Variants in ACOX2 observed in about 807,000 individuals in gnomAD.
ACOX2 encodes the protein acyl-CoA oxidase 2.
ACOX2 carries 59 observed loss-of-function variants against 77.5 expected under a neutral mutation model. The observed-to-expected ratio is 0.76, with a 90% CI of 0.62 to 0.95. ACOX2 has a LOEUF of 0.95. Among genes scored for constraint, ACOX2 ranks in the 40% least tolerant of loss-of-function variants. The pLI is 0.00. For synonymous variants in ACOX2, 317 were observed against 340.1 expected, an observed-to-expected ratio of 0.93 and a Z score of 0.75; for missense variants, 837 against 880.4, an observed-to-expected ratio of 0.95 and a Z score of 0.62.
rs1293483649 is a variant in ACOX2 at position 58,535,178 on chromosome 3, C to T, written c.-72G>A. 1 of 1,590,814 alleles carries T rather than the reference C, an allele frequency of 6.3e-7. No individual in the cohort carries two copies. The highest frequency in any genetic ancestry group is 8.6e-7 in the Non-Finnish European group (1 of 1,161,302). On this transcript the variant is annotated 5_prime_UTR_variant, in exon 2 of 15. It removes an upstream start codon present in the reference 5' UTR. Transcript: ENST00000302819. This position sits in a 1 kb window ranked among gnomAD's most constrained non-coding sequence, Gnocchi z 4.8. ...GGCTGCTCCGAGGGTCTGCTCTCAG[C>T]ATTGGTCAGTGCAAAGAACCTGTGT... is the stretch of plus-strand genomic sequence containing the variant.
rs1325119695 is a variant in ACOX2, at chr3:58,528,510, G to A, written c.1155+284C>T. Among the ~76,000 whole-genome samples, 1 of 152,178 alleles carries A rather than the reference G, an allele frequency of 6.6e-6. No homozygotes were observed. The highest frequency in any genetic ancestry group is 1.5e-5 in the Non-Finnish European group (1 of 68,038). On this transcript the variant is annotated intron_variant, in intron 9 of 14. Coordinates refer to ENST00000302819, the MANE Select transcript of ACOX2 (RefSeq NM_003500.4). The surrounding 1 kb of genome is among the most constrained non-coding windows in gnomAD (Gnocchi z 5.6). Reference sequence around the variant, plus strand: ...AATGAGTTCCAAACAACTGTTTTTCGGAGCTTTTCAGGTTTCAAATACACA... The same window carrying A: ...AATGAGTTCCAAACAACTGTTTTTCAGAGCTTTTCAGGTTTCAAATACACA...
chr3:58,508,897 G>A lies in ACOX2; in HGVS notation c.1979C>T (p.Thr660Ile). The A allele has an allele frequency of 1.2e-6, 2 of 1,614,160 alleles. No individual in the cohort carries two copies. The highest frequency in any genetic ancestry group is 1.7e-6 in the Non-Finnish European group (2 of 1,180,024). The change falls in exon 14 of 15, where the codon ACT becomes ATT. Residue 660 changes from threonine (T) to isoleucine (I), a missense_variant. Physicochemically the swap from Thr to Ile is moderately conservative, Grantham distance 89. Coordinates refer to ENST00000302819, the MANE Select transcript of ACOX2 (RefSeq NM_003500.4). ...FQWAQKSPTN[T>I]QENPAYEEYI... Reference sequence around the variant, plus strand: ...TAATGTGTTCCACTCAACTACCTGAGTATTGGTTGGTGACTTCTGAGCCCA... The same window carrying A: ...TAATGTGTTCCACTCAACTACCTGAATATTGGTTGGTGACTTCTGAGCCCA...
Position 58,528,826 on chromosome 3 carries a change from T to C in ACOX2, c.1123A>G (p.Ile375Val), listed in dbSNP as rs1364252821. The stretch of plus-strand genomic sequence containing the variant: ...AGGAAGCTGAAGTCTTGGTTCAGAA[T>C]GGCAGTGTAGGAGTGCTGGAAGAAC... ...LEFFQHSYTA[I>V]LNQDFSFLPE... The change falls in exon 9 of 15, where the codon ATT becomes GTT. Residue 375 changes from isoleucine to valine, a missense_variant. Physicochemically the swap from Ile to Val is conservative, Grantham distance 29 (BLOSUM62 3). Transcript: ENST00000302819. The surrounding 1 kb of genome is among the most constrained non-coding windows in gnomAD (Gnocchi z 5.6). The C allele has an allele frequency of 3.7e-6, 6 of 1,612,318 alleles. No individual in the cohort carries two copies. The highest frequency in any genetic ancestry group is 2.7e-5 in the African/African-American group (2 of 74,892).
chr3:58,536,557 G>A (rs768977883), intron 1 of ACOX2, among the ~76,000 whole-genome samples: 1 of 152,142 alleles, frequency 6.6e-6, no homozygotes, highest in Non-Finnish European at 1.5e-5. Flanking sequence ...CTGCCCCCCG[G>A]AGTCCTGCAA....
At chr3:58,517,099 G>A in intron 13 of ACOX2, 107 bp downstream of exon 13, 1 of 1,177,132 alleles carries the variant, frequency 8.5e-7, no homozygotes, top group Admixed American at 1.9e-5. Flanking sequence ...CTCCAGGGCT[G>A]TTGCTGCTCT....
Position 58,530,578 on chromosome 3 carries a change from C to T in ACOX2, c.880G>A (p.Val294Met). 6.2e-7 allele frequency: 1 copy of T among 1,614,252 alleles called. No individual in the cohort carries two copies. Among genetic ancestry groups the T allele is most frequent in the South Asian group, 1.1e-5 (1 of 91,086 alleles). The change falls in exon 8 of 15, where the codon GTG (valine) becomes ATG (methionine). Residue 294 changes from valine to methionine, a missense_variant. By Grantham distance (21) the Val-to-Met change is conservative. Transcript: ENST00000302819. ...GTAQSNYLPM[V>M]VVRVELLSGE... Reference sequence around the variant, plus strand: ...GACAGCAGCTCCACCCGCACCACCACCATGGGAAGGTAGTTGCTCTGTGCT... The same window carrying T: ...GACAGCAGCTCCACCCGCACCACCATCATGGGAAGGTAGTTGCTCTGTGCT...
chr3:58,510,724 A>C (rs2063280589), intron 13 of ACOX2, among the ~76,000 whole-genome samples: 1 of 58,034 alleles, frequency 1.7e-5, no homozygotes, highest in Non-Finnish European at 3.1e-5. Context: ...ACACACACAC[A>C]CACACACACA....
chr3:58,509,704 C>G (rs1238677445), intron 13 of ACOX2, among the ~76,000 whole-genome samples: 1 of 147,780 alleles, frequency 6.8e-6, no homozygotes, highest in Non-Finnish European at 1.5e-5. Context: ...CTCCCGGGCT[C>G]AAGCCATTCT....
chr3:58,508,953 A>G lies in ACOX2; in HGVS notation c.1923T>C (p.Tyr641=), dbSNP rs371093489. 278 of 1,614,114 alleles carry G rather than the reference A, an allele frequency of 1.7e-4. No individual in the cohort carries two copies. Among genetic ancestry groups the G allele is most frequent in the Non-Finnish European group, 2.2e-4 (263 of 1,180,050 alleles). The change falls in exon 14 of 15, where the codon TAT becomes TAC. Residue 641 remains tyrosine, a synonymous_variant. Coordinates refer to ENST00000302819, the MANE Select transcript of ACOX2 (RefSeq NM_003500.4). ...ACAGGCGTTCGTAGACGTTTCCATC[A>G]TAACAGCCAAGTGCTGAATTTAAAC... The part of the protein sequence containing the change: ...DQCLNSALGC[Y]DGNVYERLFQ...
At chr3:58,511,590 TC>T (rs764449703) in intron 13 of ACOX2, 1 of 155,138 alleles carries the variant, frequency 6.4e-6, no homozygotes, top group Non-Finnish European at 1.4e-5. Flanking sequence ...GGACAAACTG[TC>T]ATCAACAAGG....
chr3:58,515,217 C>A lies in ACOX2; in HGVS notation c.1850+1989G>T, dbSNP rs2063313830. 6.6e-6 allele frequency among the ~76,000 whole-genome samples: 1 copy of A among 152,178 alleles called. No individual in the cohort carries two copies. Among genetic ancestry groups the A allele is most frequent in the African/African-American group, 2.4e-5 (1 of 41,446 alleles). On this transcript the variant is annotated intron_variant, in intron 13 of 14. Coordinates refer to ENST00000302819, the MANE Select transcript of ACOX2 (RefSeq NM_003500.4). The surrounding 1 kb of genome is among the most constrained non-coding windows in gnomAD (Gnocchi z 4.0). ...TGTATTTTTAGTAGAGACCGGGTTT[C>A]ACCATGTTGGCCAGGCTGGCCTCGA...
chr3:58,535,325 G>T lies in ACOX2; in HGVS notation c.-91-128C>A. 1.7e-6 allele frequency: 1 copy of T among 597,444 alleles called. No homozygotes were observed. Among genetic ancestry groups the T allele is most frequent in the Non-Finnish European group, 3.0e-6 (1 of 335,954 alleles). 37.0% of individuals were successfully genotyped at this position (597,444 alleles called of 1,614,324 possible). A position where few individuals can be genotyped will look rare whatever the true frequency, so the allele number is the denominator to read the frequency against. ...CCCTGTGGACACTGGCTGTGGACCA[G>T]GCACTGTGTGCATGGTAGGCATGGT... On this transcript the variant is annotated intron_variant, in intron 1 of 14. Transcript: ENST00000302819. This position sits in a 1 kb window ranked among gnomAD's most constrained non-coding sequence, Gnocchi z 4.8.
rs1384048900 is a variant in ACOX2, at chr3:58,531,258, A to G, written c.812T>C (p.Phe271Ser). The change falls in exon 7 of 15, where the codon TTT becomes TCT. Residue 271 changes from phenylalanine (F) to serine (S), a missense_variant. By Grantham distance (155) the Phe-to-Ser change is radical (BLOSUM62 -2). Transcript: ENST00000302819. This position sits in a 1 kb window ranked among gnomAD's most constrained non-coding sequence, Gnocchi z 5.8. ...RVPRENMLSR[F>S]AQVLPDGTYV... ...CCTCCCCAGATCTGTAACCTGTGCA[A>G]AGCGACTCAGCATGTTCTCCCTGGG... 2 of 1,612,402 alleles carry G rather than the reference A, an allele frequency of 1.2e-6. No homozygotes were observed. Among genetic ancestry groups the G allele is most frequent in the Non-Finnish European group, 1.7e-6 (2 of 1,179,880 alleles).
Position 58,524,464 on chromosome 3 carries a change from C to T in ACOX2, c.1488G>A (p.Pro496=), listed in dbSNP as rs745443673. Residue 496 remains proline, a synonymous_variant, in exon 11 of 15, where the codon CCG becomes CCA. Transcript: ENST00000302819. This position sits in a 1 kb window ranked among gnomAD's most constrained non-coding sequence, Gnocchi z 5.5. Reference sequence around the variant, plus strand: ...GTGCCCAGGCCGTGGTGTAGAGCTCCGGGCAGAGGAAGTCGGCTGCCCTCT... The same window carrying T: ...GTGCCCAGGCCGTGGTGTAGAGCTCTGGGCAGAGGAAGTCGGCTGCCCTCT... The part of the protein sequence containing the change: ...PAQRAADFLC[P]ELYTTAWAHV... 3.2e-5 allele frequency: 51 copies of T among 1,569,580 alleles called. No homozygotes were observed. The highest frequency in any genetic ancestry group is 2.4e-4 in the East Asian group (10 of 42,036).
intron 14 of ACOX2, among the ~76,000 whole-genome samples, chr3:58,506,568 G>A (rs559110221): frequency 2.6e-5 from 4 of 152,268 alleles, no homozygotes; most frequent in South Asian, 2.1e-4. Context: ...TGAGGCAGAC[G>A]GATCATTTGA....
intron 12 of ACOX2, 27 bp from the exon 13 acceptor site, chr3:58,517,450 C>T (rs747634385): frequency 1.2e-6 from 2 of 1,606,810 alleles, no homozygotes; most frequent in East Asian, 2.2e-5. Context: ...ATATGTTCTC[C>T]TGATTTCTGG....
At position 58,521,010 on chromosome 3, in the gene ACOX2, C is replaced by A. The variant is rs781655917; in HGVS notation, c.1632+1486G>T. On this transcript the variant is annotated intron_variant, in intron 12 of 14. Coordinates refer to ENST00000302819, the MANE Select transcript of ACOX2 (RefSeq NM_003500.4). The surrounding 1 kb of genome is among the most constrained non-coding windows in gnomAD (Gnocchi z 4.8). Reference sequence around the variant, plus strand: ...TGTGGATTAAATGAAGTAACCCTGGCAAGCAGCATCTGGTCCATTTGAAGG... The same window carrying A: ...TGTGGATTAAATGAAGTAACCCTGGAAAGCAGCATCTGGTCCATTTGAAGG... 2.6e-5 allele frequency among the ~76,000 whole-genome samples: 4 copies of A among 152,208 alleles called. No individual in the cohort carries two copies. The highest frequency in any genetic ancestry group is 7.2e-5 in the African/African-American group (3 of 41,438).
rs1467157292 is a variant in ACOX2, at chr3:58,524,698, GGTTC to G, written c.1347-97_1347-94del. ...CCCAGAGACAGGCAAGCTCATGCTAGGTTCCAGCCTTCCCGTGGGAGAGCCAGGT... is the reference window on the plus strand; with the variant it reads ...CCCAGAGACAGGCAAGCTCATGCTAGCAGCCTTCCCGTGGGAGAGCCAGGT... On this transcript the variant is annotated intron_variant, in intron 10 of 14. Coordinates refer to ENST00000302819, the MANE Select transcript of ACOX2 (RefSeq NM_003500.4). This position sits in a 1 kb window ranked among gnomAD's most constrained non-coding sequence, Gnocchi z 5.5. 5 of 1,368,196 alleles carry G rather than the reference GGTTC, an allele frequency of 3.7e-6. No homozygotes were observed. The highest frequency in any genetic ancestry group is 5.0e-6 in the Non-Finnish European group (5 of 1,004,742). The allele number at this position is 1,368,196 out of a possible 1,614,324, so 84.8% of individuals were successfully genotyped here.
At chr3:58,507,091 C>T (rs571909490) in intron 14 of ACOX2, among the ~76,000 whole-genome samples, 20 of 152,166 alleles carry the variant, frequency 1.3e-4, no homozygotes, top group Non-Finnish European at 2.5e-4. Flanking sequence ...AATTATCATG[C>T]GTGAAAGATC....
Sources: gnomAD v4.1 joint callset for allele counts (sites outside exome capture counted in the v4.1 genomes callset) on GRCh38, gnomAD v4.1.1 for gene constraint, Gnocchi (gnomAD v3.1) non-coding constraint, MANE v1.5 for transcripts, NCBI Gene and HGNC (gene_info 2026-07-23, HGNC 2026-07-21) for gene names.